The following PKHD1 variants were observed in gnomAD, a reference collection of about 807,000 sequenced individuals.
PKHD1 encodes PKHD1 ciliary IPT domain containing fibrocystin/polyductin.
A neutral mutation model predicts 412.0 loss-of-function variants in PKHD1; 291 were observed. That is an observed-to-expected ratio of 0.71 (90% CI 0.64 to 0.78). The LOEUF (loss-of-function observed/expected upper bound fraction) is 0.78. PKHD1 is among the 30% of genes least tolerant of loss of function. The pLI, the probability that PKHD1 is intolerant of heterozygous loss-of-function variation, is 0.00. For missense variants in PKHD1, 4,825 were observed against 4,950.7 expected, an observed-to-expected ratio of 0.97 and a Z score of 0.76; for synonymous variants, 1,777 against 1,821.5, an observed-to-expected ratio of 0.98 and a Z score of 0.62.
chr6:51,687,275 G>T (rs1365365025), intron 60 of PKHD1, among the ~76,000 whole-genome samples: 1 of 150,922 alleles, frequency 6.6e-6, no homozygotes, highest in African/African-American at 2.4e-5. Context: ...ACAAAAATCA[G>T]ATGATAAAAA....
At chr6:51,901,233 C>A (rs189132483) in intron 43 of PKHD1, among the ~76,000 whole-genome samples, 1 of 152,064 alleles carries the variant, frequency 6.6e-6, no homozygotes, top group African/African-American at 2.4e-5. Flanking sequence ...ATGTTTATTG[C>A]GGCATTAGTC....
intron 36 of PKHD1, among the ~76,000 whole-genome samples, chr6:51,946,803 CTCTTT>C (rs1789515495): frequency 6.6e-6 from 1 of 152,184 alleles, no homozygotes; most frequent in South Asian, 2.1e-4. Context: ...CATTAAACAT[CTCTTT>C]TGTTTCTTTT....
At chr6:51,941,691 T>A (rs1452105394) in intron 36 of PKHD1, among the ~76,000 whole-genome samples, 26 of 150,060 alleles carry the variant, frequency 1.7e-4, no homozygotes, top group East Asian at 3.9e-4. Context: ...CACCCCGTGG[T>A]GCCAAACCCA....
Position 51,748,023 on chromosome 6 carries a change from A to G in PKHD1, c.9593T>C (p.Ile3198Thr). 6.2e-7 allele frequency: 1 copy of G among 1,614,090 alleles called. No homozygotes were observed. Among genetic ancestry groups the G allele is most frequent in the South Asian group, 1.1e-5 (1 of 91,082 alleles). The change falls in exon 58 of 67, where the codon ATT (isoleucine) becomes ACT (threonine). Residue 3198 changes from isoleucine (I) to threonine (T), a missense_variant. Ile to Thr is a moderately conservative substitution (Grantham distance 89, BLOSUM62 -1). Transcript: ENST00000371117. ...CACAATGACTGAATTCCTAAGCACAATCTGCACTTTTTTGACGGAATTTTG... is the reference window on the plus strand; with the variant it reads ...CACAATGACTGAATTCCTAAGCACAGTCTGCACTTTTTTGACGGAATTTTG... ...APQNSVKKVQ[I>T]VLRNSVIVAT... is the part of the protein sequence containing the mutation.
At chr6:51,872,364 A>G (rs1776111126) in intron 46 of PKHD1, among the ~76,000 whole-genome samples, 1 of 151,760 alleles carries the variant, frequency 6.6e-6, no homozygotes, top group Non-Finnish European at 1.5e-5. Context: ...TTCAGAGAGA[A>G]AAAAAATAAG....
In PKHD1 at chr6:51,627,015, CT is replaced by C. The variant is rs897090338; in HGVS notation, c.11766del (p.Asp3923ThrfsTer8). ...KRRESQGPKK[E>X]DTVVGEDMRM... ...AGCTTACCTTCTCCCACCACAGTGT[CT>C]TCTTTTTTGGGCCCTTGTGATTCTC... On this transcript the variant is annotated frameshift_variant, in exon 66 of 67. Coordinates refer to ENST00000371117, the MANE Select transcript of PKHD1 (RefSeq NM_138694.4). LOFTEE classifies it low-confidence loss of function (END_TRUNC). 2.5e-6 allele frequency: 4 copies of C among 1,613,418 alleles called. No individual in the cohort carries two copies. The highest frequency in any genetic ancestry group is 3.4e-6 in the Non-Finnish European group (4 of 1,179,562).
intron 58 of PKHD1, among the ~76,000 whole-genome samples, chr6:51,747,426 C>T (rs1015446018): frequency 2.0e-5 from 3 of 151,778 alleles, no homozygotes; most frequent in Non-Finnish European, 4.4e-5. Context: ...CTGTGTTAGC[C>T]GGGAGTGGTG....
chr6:52,084,472 T>C (rs1379632853), intron 2 of PKHD1, among the ~76,000 whole-genome samples: 2 of 152,246 alleles, frequency 1.3e-5, no homozygotes, highest in Non-Finnish European at 2.9e-5. Flanking sequence ...TTATGACAAG[T>C]TAATCTCTTT....
At chr6:51,708,383 G>A (rs1031151202) in intron 60 of PKHD1, among the ~76,000 whole-genome samples, 10 of 152,180 alleles carry the variant, frequency 6.6e-5, no homozygotes, top group African/African-American at 2.4e-4. Context: ...TGAACTTGCT[G>A]ATTTATCTCT....
chr6:52,058,579 A>G lies in PKHD1; in HGVS notation c.1256T>C (p.Val419Ala), dbSNP rs144526315. 20 of 1,614,134 alleles carry G rather than the reference A, an allele frequency of 1.2e-5. No homozygotes were observed. The highest frequency in any genetic ancestry group is 9.3e-5 in the African/African-American group (7 of 75,042). Residue 419 changes from valine to alanine, a missense_variant, in exon 16 of 67, where the codon GTC (valine) becomes GCC (alanine). Transcript: ENST00000371117. The part of the protein sequence containing the change: ...RTKVKVASIS[V>A]GTADWFDSWE... ...GGAGTCAAACCAGTCAGCAGTGCCG[A>G]CGCTGATGGAGGCCACTTTCACCTA...
rs113287161 is a variant in PKHD1, at chr6:51,641,153, TA to T, written c.11399-2198del. Among the ~76,000 whole-genome samples, 823 of 152,268 alleles carry T rather than the reference TA, an allele frequency of 5.4e-3. 7 individuals are homozygous for T. The highest frequency in any genetic ancestry group is 0.019 in the African/African-American group (778 of 41,546). ...GGGTAGTTTGGTGACATGGGTATGC[TA>T]AAAACAGAAAACTGCATGTGATTTC... On this transcript the variant is annotated intron_variant, in intron 63 of 66. Coordinates refer to ENST00000371117, the MANE Select transcript of PKHD1 (RefSeq NM_138694.4).
At chr6:51,981,819 G>C (rs1253971288) in intron 35 of PKHD1, among the ~76,000 whole-genome samples, 1 of 127,410 alleles carries the variant, frequency 7.8e-6, no homozygotes, top group Admixed American at 8.2e-5. Context: ...TGGCTGCCCA[G>C]TCTGGAAAGT....
chr6:51,957,731 T>C (rs1215536550), intron 36 of PKHD1, among the ~76,000 whole-genome samples: 2 of 152,092 alleles, frequency 1.3e-5, no homozygotes, highest in African/African-American at 4.8e-5. Context: ...CCTCAAACTT[T>C]GATTTGTGTA....
intron 36 of PKHD1, among the ~76,000 whole-genome samples, chr6:51,939,939 C>T (rs2499463): frequency 0.34 from 51,610 of 151,196 alleles, 10,214 homozygotes; most frequent in African/African-American, 0.46. Flanking sequence ...TTTAATTCCT[C>T]GACTATCCCT....
intron 38 of PKHD1, 26 bp from the exon 39 acceptor site, chr6:51,911,982 A>C (rs1003098132): frequency 6.3e-7 from 1 of 1,577,468 alleles, no homozygotes. Flanking sequence ...GGATGATAGA[A>C]CTGAGGACAT....
In PKHD1 at chr6:51,946,855, T is replaced by C. The variant is rs937732159; in HGVS notation, c.5909-12533A>G. ...AAAGAGACTTTTAGCAGCTAGCTAATGTTTGCAAAGTACATCAAAATCTGC... is the reference window on the plus strand; with the variant it reads ...AAAGAGACTTTTAGCAGCTAGCTAACGTTTGCAAAGTACATCAAAATCTGC... On this transcript the variant is annotated intron_variant, in intron 36 of 66. Transcript: ENST00000371117. 3.4e-4 allele frequency among the ~76,000 whole-genome samples: 52 copies of C among 152,350 alleles called. 1 individual carries two copies. Among genetic ancestry groups the C allele is most frequent in the African/African-American group, 1.2e-3 (49 of 41,590 alleles).
chr6:51,991,496 AT>A (rs1797036266), intron 35 of PKHD1, among the ~76,000 whole-genome samples: 1 of 152,366 alleles, frequency 6.6e-6, no homozygotes, highest in East Asian at 1.9e-4. Context: ...ACTTAAAAAA[AT>A]AAAAGTAAAT....
In PKHD1 at chr6:51,903,578, G is replaced by T. The variant is rs1333123181; in HGVS notation, c.6996+19C>A. 1 of 1,605,454 alleles carries T rather than the reference G, an allele frequency of 6.2e-7. No homozygotes were observed. Among genetic ancestry groups the T allele is most frequent in the Non-Finnish European group, 8.5e-7 (1 of 1,173,602 alleles). On this transcript the variant is annotated intron_variant, in intron 43 of 66. Coordinates refer to ENST00000371117, the MANE Select transcript of PKHD1 (RefSeq NM_138694.4). ...TGCCCTCTCAGTTCTGGTCTTCCTG[G>T]TAGAGCTGAACATCTTACCTCTATA... is the stretch of plus-strand genomic sequence containing the variant.
intron 65 of PKHD1, 103 bp from the exon 66 acceptor site, chr6:51,627,219 T>C (rs953471989): frequency 3.0e-6 from 3 of 1,016,006 alleles, no homozygotes; most frequent in East Asian, 2.4e-5. Flanking sequence ...AAAATTATCA[T>C]ACACATGCAA....
Sources: gnomAD v4.1 joint callset for allele counts (sites outside exome capture counted in the v4.1 genomes callset) on GRCh38, gnomAD v4.1.1 for gene constraint, MANE v1.5 for transcripts, NCBI Gene and HGNC (gene_info 2026-07-23, HGNC 2026-07-21) for gene names.